Variants in ANKRD44 observed in about 807,000 individuals in gnomAD.
ANKRD44 encodes serine/threonine-protein phosphatase 6 regulatory ankyrin repeat subunit B.
A neutral mutation model predicts 116.0 loss-of-function variants in ANKRD44; 35 were observed. That is an observed-to-expected ratio of 0.30 (90% confidence interval 0.23 to 0.40). The LOEUF (loss-of-function observed/expected upper bound fraction) is 0.40. Among genes scored for constraint, ANKRD44 ranks in the 10% least tolerant of loss-of-function variants. ANKRD44 has a pLI of 1.00. For synonymous variants in ANKRD44, 435 were observed against 461.8 expected (o/e 0.94, Z 0.74); for missense variants, 1,014 against 1,242.6 (o/e 0.82, Z 2.77).
At chr2:196,972,053 G>A (rs2075719654) in intron 21 of ANKRD44, among the ~76,000 whole-genome samples, 1 of 152,158 alleles carries the variant, frequency 6.6e-6, no homozygotes, top group Non-Finnish European at 1.5e-5. Context: ...TGGTCATGCA[G>A]GCTGGGGGTT....
chr2:197,294,543 C>T (rs1302401067), intron 1 of ANKRD44, among the ~76,000 whole-genome samples: 3 of 151,858 alleles, frequency 2.0e-5, no homozygotes, highest in East Asian at 1.9e-4. Context: ...ACACTGGAAA[C>T]CACACACACA....
intron 3 of ANKRD44, among the ~76,000 whole-genome samples, chr2:197,138,949 C>T (rs1038901843): frequency 4.6e-5 from 7 of 152,136 alleles, no homozygotes; most frequent in Admixed American, 2.6e-4. Flanking sequence ...CAAAATTCGT[C>T]AGGGAGAAGC....
intron 2 of ANKRD44, among the ~76,000 whole-genome samples, chr2:197,160,891 C>T (rs924792797): frequency 2.0e-5 from 3 of 152,156 alleles, no homozygotes; most frequent in Non-Finnish European, 2.9e-5. Flanking sequence ...CTTTCTGACA[C>T]TTGTCAGGAA....
rs569456471 is a variant in ANKRD44, at chr2:196,995,244, T to C, written c.2831+135A>G. On this transcript the variant is annotated intron_variant, in intron 26 of 27. Transcript: ENST00000282272. The stretch of plus-strand genomic sequence containing the variant: ...TGTAGGTATGTGACTGTCACCTTCA[T>C]GCAGGGGAAGCCAGGACTGCATCTT... The C allele has an allele frequency of 6.1e-5, 30 of 491,000 alleles. No homozygotes were observed. The East Asian group carries it at 7.9e-4, about 13-fold the overall frequency. The allele number at this position is 491,000 out of a possible 1,614,324, so 30.4% of individuals were successfully genotyped here.
In ANKRD44 at chr2:197,149,581, A is replaced by G. The variant is rs147320783; in HGVS notation, c.112-2476T>C. On this transcript the variant is annotated intron_variant, in intron 2 of 27. Transcript: ENST00000282272. ...CTTTAGTGACATGGCACAGACAGGT[A>G]ACTGCAGAGAAGACTTGTATTCAGG... is the stretch of plus-strand genomic sequence containing the variant. Among the ~76,000 whole-genome samples the G allele has an allele frequency of 1.5e-3, 230 of 152,358 alleles. No individual in the cohort carries two copies. The East Asian group carries it at 0.018, about 12-fold the overall frequency.
At chr2:197,005,438 G>A (rs1018387691) in intron 21 of ANKRD44, among the ~76,000 whole-genome samples, 3 of 152,056 alleles carry the variant, frequency 2.0e-5, no homozygotes, top group Admixed American at 1.3e-4. Flanking sequence ...TAAGCTTATC[G>A]GTTCTGATTA....
At chr2:197,286,938 G>C (rs569503669) in intron 1 of ANKRD44, among the ~76,000 whole-genome samples, 1 of 152,160 alleles carries the variant, frequency 6.6e-6, no homozygotes, top group Admixed American at 6.5e-5. Context: ...CAGGGGTTAG[G>C]GGGTAAGCAG....
chr2:197,133,719 C>T lies in ANKRD44; in HGVS notation c.261+2873G>A, dbSNP rs376819278. Among the ~76,000 whole-genome samples, 4 of 152,100 alleles carry T rather than the reference C, an allele frequency of 2.6e-5. No homozygotes were observed. The South Asian group carries it at 8.3e-4, about 32-fold the overall frequency. On this transcript the variant is annotated intron_variant, in intron 4 of 27. Coordinates refer to ENST00000282272, the MANE Select transcript of ANKRD44 (RefSeq NM_001195144.2). ...TAAATTCCAAAATACCAGTCCAAAC[C>T]TTCTCTTTTCTTCCCCTCAAATCTA...
chr2:197,243,883 C>T (rs1305783648), intron 1 of ANKRD44, among the ~76,000 whole-genome samples: 2 of 152,122 alleles, frequency 1.3e-5, no homozygotes, highest in Non-Finnish European at 2.9e-5. Flanking sequence ...TTGGTGGGGA[C>T]ACAAACATTC....
intron 1 of ANKRD44, among the ~76,000 whole-genome samples, chr2:197,237,785 A>C (rs2082008276): frequency 1.3e-5 from 2 of 152,244 alleles, no homozygotes; most frequent in South Asian, 4.1e-4. Context: ...TTGTCATGAA[A>C]GGGAATGTTT....
intron 1 of ANKRD44, among the ~76,000 whole-genome samples, chr2:197,305,592 A>T (rs751114189): frequency 4.6e-5 from 7 of 152,214 alleles, no homozygotes; most frequent in Non-Finnish European, 8.8e-5. Flanking sequence ...AGGAAGTAAA[A>T]AGTTGAAATC....
At chr2:197,176,920 T>TATAATA (rs56232373) in intron 2 of ANKRD44, among the ~76,000 whole-genome samples, 12 of 150,656 alleles carry the variant, frequency 8.0e-5, no homozygotes, top group African/African-American at 2.0e-4. Flanking sequence ...GTTTCAAGGG[T>TATAATA]ATAATAATAA....
At chr2:196,967,471 A>C (rs1349927725) in intron 21 of ANKRD44, 1 of 464,032 alleles carries the variant, frequency 2.2e-6, no homozygotes, top group Non-Finnish European at 4.5e-6. Flanking sequence ...AAAAAAAGAA[A>C]AGAAAAGAAA....
At chr2:197,016,230 G>A (rs2076390539) in intron 17 of ANKRD44, among the ~76,000 whole-genome samples, 1 of 152,190 alleles carries the variant, frequency 6.6e-6, no homozygotes, top group African/African-American at 2.4e-5. Context: ...AAAACGTCCA[G>A]CTATTAATTA....
At chr2:197,230,502 G>A (rs1223775247) in intron 1 of ANKRD44, among the ~76,000 whole-genome samples, 3 of 152,140 alleles carry the variant, frequency 2.0e-5, no homozygotes, top group African/African-American at 7.2e-5. Context: ...CACAGGAACT[G>A]CCTATGATGG....
chr2:197,048,287 C>G (rs2124996302), intron 16 of ANKRD44, among the ~76,000 whole-genome samples: 1 of 152,178 alleles, frequency 6.6e-6, no homozygotes, highest in East Asian at 1.9e-4. Flanking sequence ...TTTGCTGCAA[C>G]CATCAACTCG....
At chr2:196,993,319 T>C (rs933982304) in intron 27 of ANKRD44, among the ~76,000 whole-genome samples, 1 of 152,220 alleles carries the variant, frequency 6.6e-6, no homozygotes, top group African/African-American at 2.4e-5. Flanking sequence ...CTAAGATATT[T>C]TAACCACTGT....
At chr2:197,025,404 AAAAC>A in intron 16 of ANKRD44, 137 bp from the exon 17 acceptor site, 1 of 592,778 alleles carries the variant, frequency 1.7e-6, no homozygotes, top group Non-Finnish European at 3.0e-6. Flanking sequence ...TAACATATCT[AAAAC>A]AAATATGCTA....
rs529937718 is a variant in ANKRD44 at position 197,187,088 on chromosome 2, T to C, written c.46A>G (p.Ile16Val). ...LTDQPPLVQA[I>V]FSGDPEEIRM... ...ATCTCCTCTGGATCACCGCTGAAGATTGCCTGAACCAATGGTGGCTGCAAA... is the reference window on the plus strand; with the variant it reads ...ATCTCCTCTGGATCACCGCTGAAGACTGCCTGAACCAATGGTGGCTGCAAA... Residue 16 changes from isoleucine to valine, a missense_variant, in exon 2 of 28, where the codon ATC becomes GTC. Coordinates refer to ENST00000282272, the MANE Select transcript of ANKRD44 (RefSeq NM_001195144.2). The C allele has an allele frequency of 6.8e-6, 11 of 1,614,148 alleles. No homozygotes were observed. The African/African-American group carries it at 8.0e-5, about 12-fold the overall frequency.
Sources: allele counts gnomAD v4.1 joint callset (sites outside exome capture counted in the v4.1 genomes callset), GRCh38; gene constraint gnomAD v4.1.1; transcripts MANE v1.5; gene names NCBI Gene and HGNC (gene_info 2026-07-23, HGNC 2026-07-21).